The following ANHX variants were observed in gnomAD, a reference collection of about 807,000 sequenced individuals.
The protein encoded by ANHX is anomalous homeobox protein.
In ANHX, 20 loss-of-function variants were observed where a neutral mutation model predicts 38.9. The observed-to-expected ratio is 0.51, with a 90% CI of 0.36 to 0.75. ANHX has a LOEUF of 0.75. Ranked by LOEUF, ANHX falls within the 30% of genes least tolerant of loss-of-function variation. ANHX has a pLI of 0.00. For missense variants in ANHX, 475 were observed against 493.1 expected, an observed-to-expected ratio of 0.96 and a Z score of 0.35; for synonymous variants, 185 against 203.1, an observed-to-expected ratio of 0.91 and a Z score of 0.76.
chr12:133,233,640 G>C (rs982427502), intron 2 of ANHX, among the ~76,000 whole-genome samples: 4 of 152,204 alleles, frequency 2.6e-5, no homozygotes, highest in Non-Finnish European at 5.9e-5. Context: ...AATAGCTTCA[G>C]ATCAGCACAG....
At chr12:133,224,874 G>T (rs977761947) in intron 7 of ANHX, among the ~76,000 whole-genome samples, 6 of 150,996 alleles carry the variant, frequency 4.0e-5, no homozygotes, top group African/African-American at 1.5e-4. Context: ...GGCTGAGGCA[G>T]GAGAATGGCG....
At chr12:133,228,015 T>G in intron 3 of ANHX, 68 bp from the exon 4 acceptor site, 4 of 1,500,020 alleles carry the variant, frequency 2.7e-6, no homozygotes, top group Non-Finnish European at 1.8e-6. Flanking sequence ...TCTCCAGGCC[T>G]GGCCCTCTGC....
At chr12:133,223,016 T>C (rs912706294) in intron 7 of ANHX, among the ~76,000 whole-genome samples, 9 of 151,592 alleles carry the variant, frequency 5.9e-5, no homozygotes, top group African/African-American at 2.2e-4. Flanking sequence ...CATGGTGAAA[T>C]CCAATCTCAA....
At chr12:133,225,354 T>C (rs1339131911) in intron 7 of ANHX, among the ~76,000 whole-genome samples, 182 bp downstream of exon 7, 1 of 151,314 alleles carries the variant, frequency 6.6e-6, no homozygotes, top group African/African-American at 2.4e-5. Context: ...ATAAAACAGA[T>C]GAGAAATAAT....
Position 133,219,332 on chromosome 12 carries a change from G to A in ANHX, c.1316C>T (p.Pro439Leu), listed in dbSNP as rs1054886305. 1.8e-5 allele frequency: 27 copies of A among 1,535,018 alleles called. No homozygotes were observed. Among genetic ancestry groups the A allele is most frequent in the Non-Finnish European group, 2.2e-5 (25 of 1,146,470 alleles). ...PELAPAPSAFPGPVSAMELSQ... is the reference protein window; with the variant it reads ...PELAPAPSAFLGPVSAMELSQ... ...CAGCTCCATGGCAGACACAGGGCCG[G>A]GGAAGGCAGATGGGGCTGGGGCCAG... is the stretch of plus-strand genomic sequence containing the variant. Residue 439 changes from proline to leucine, a missense_variant, in exon 9 of 10, where the codon CCC (proline) becomes CTC (leucine). Pro to Leu is a moderately conservative substitution (Grantham distance 98). Coordinates refer to ENST00000545940, the MANE Select transcript of ANHX (RefSeq NM_001372060.1).
In ANHX at chr12:133,234,175, A is replaced by G. The variant is rs1288192046; in HGVS notation, c.182T>C (p.Val61Ala). 1 of 1,536,188 alleles carries G rather than the reference A, an allele frequency of 6.5e-7. No individual in the cohort carries two copies. Among genetic ancestry groups the G allele is most frequent in the Non-Finnish European group, 8.7e-7 (1 of 1,146,918 alleles). Residue 61 changes from valine to alanine, a missense_variant, in exon 2 of 10, where the codon GTG becomes GCG. By Grantham distance (64) the Val-to-Ala change is moderately conservative (BLOSUM62 0). Transcript: ENST00000545940. ...CAGGACACGGGCGCACGCCAGGGCC[A>G]CATCTGCGTTGTCCAGGAGATGCAG... ...LRLHLLDNAD[V>A]ALACARVLDQ...
chr12:133,224,657 C>G (rs1263411007), intron 7 of ANHX, among the ~76,000 whole-genome samples: 3 of 85,046 alleles, frequency 3.5e-5, no homozygotes, highest in Non-Finnish European at 4.4e-5. Context: ...ACCAAGACTC[C>G]ATCTCAAAAA....
rs1957065541 is a variant in ANHX, at chr12:133,218,497, C to T, written c.*388G>A. 6.1e-6 allele frequency: 1 copy of T among 163,888 alleles called. No homozygotes were observed. Among genetic ancestry groups the T allele is most frequent in the Admixed American group, 6.2e-5 (1 of 16,156 alleles). 10.2% of individuals were successfully genotyped at this position (163,888 alleles called of 1,614,324 possible). On this transcript the variant is annotated 3_prime_UTR_variant, in exon 10 of 10. Transcript: ENST00000545940. ...ATCTCAGAACACTCCTCATACCTCA[C>T]TCAGTTAACTTGGTGGAAAAGTCTG... is the stretch of plus-strand genomic sequence containing the variant.
chr12:133,229,412 C>T (rs1957236167), intron 3 of ANHX, among the ~76,000 whole-genome samples: 1 of 152,168 alleles, frequency 6.6e-6, no homozygotes, highest in Non-Finnish European at 1.5e-5. Flanking sequence ...TCCATCCCCC[C>T]TCTCCAGACT....
chr12:133,232,998 G>GCAC (rs1195708107), intron 2 of ANHX, among the ~76,000 whole-genome samples: 1 of 152,100 alleles, frequency 6.6e-6, no homozygotes, highest in Non-Finnish European at 1.5e-5. Flanking sequence ...AGTGAAGGAG[G>GCAC]CACCACCTCC....
At position 133,231,541 on chromosome 12, in the gene ANHX, AC is replaced by A; in HGVS notation, c.352del (p.Val118CysfsTer21). 1 of 1,536,128 alleles carries A rather than the reference AC, an allele frequency of 6.5e-7. No individual in the cohort carries two copies. Among genetic ancestry groups the A allele is most frequent in the South Asian group, 1.2e-5 (1 of 84,066 alleles). ...CCTCTTCCTGCAGCGGAACTTCTGC[AC>A]CGGGGTGAGCGCAGCCACGCCCAGC... The part of the protein sequence containing the change: ...RRLGVAALTP[V>X]QKFRCRKRNP... On this transcript the variant is annotated frameshift_variant, in exon 3 of 10. Transcript: ENST00000545940. LOFTEE classifies it high-confidence loss of function.
intron 8 of ANHX, among the ~76,000 whole-genome samples, chr12:133,219,641 A>C (rs1476170823): frequency 6.6e-6 from 1 of 152,128 alleles, no homozygotes; most frequent in Non-Finnish European, 1.5e-5. Flanking sequence ...AATGTGGAGG[A>C]AACAGAGACC....
chr12:133,223,533 C>T (rs1157243931), intron 7 of ANHX, among the ~76,000 whole-genome samples: 1 of 151,140 alleles, frequency 6.6e-6, no homozygotes, highest in Non-Finnish European at 1.5e-5. Context: ...GCAACCTCCA[C>T]CTCCCGGGTT....
intron 5 of ANHX, 112 bp downstream of exon 5, chr12:133,226,824 C>T: frequency 9.5e-7 from 1 of 1,051,748 alleles, no homozygotes; most frequent in African/African-American, 1.6e-5. Flanking sequence ...ACACCTGGAA[C>T]CTACTGATTG....
Position 133,227,085 on chromosome 12 carries a change from C to T in ANHX, c.569G>A (p.Arg190His), listed in dbSNP as rs547864362. ...QVYNWFANYR[R>H]RQRALPQHMK... ...GTGCTGGGGAAGGGCTCTTTGGCGG[C>T]GCCGGTAATTGGCAAACCAGTTGTA... Residue 190 changes from arginine to histidine, a missense_variant, in exon 5 of 10, where the codon CGC becomes CAC. Coordinates refer to ENST00000545940, the MANE Select transcript of ANHX (RefSeq NM_001372060.1). 1.9e-3 allele frequency: 2,887 copies of T among 1,536,062 alleles called. 4 individuals carry two copies. The highest frequency in any genetic ancestry group is 2.2e-3 in the Non-Finnish European group (2,571 of 1,146,862).
At chr12:133,220,327 T>A (rs954769046) in intron 8 of ANHX, among the ~76,000 whole-genome samples, 6 of 152,100 alleles carry the variant, frequency 3.9e-5, no homozygotes, top group Non-Finnish European at 5.9e-5. Context: ...GGGGTCGAGA[T>A]GGCCATGTGG....
At position 133,226,447 on chromosome 12, in the gene ANHX, G is replaced by C. The variant is rs1957190406; in HGVS notation, c.719-9C>G. 3 of 1,531,572 alleles carry C rather than the reference G, an allele frequency of 2.0e-6. No homozygotes were observed. The highest frequency in any genetic ancestry group is 2.6e-6 in the Non-Finnish European group (3 of 1,143,814). The allele number at this position is 1,531,572 out of a possible 1,614,324, so 94.9% of individuals were successfully genotyped here. ...CTTTTCCTCACGTTCCTCTGAAAGT[G>C]ATGAGATGGGAGGGGAGACTTAGTG... On this transcript the variant is annotated splice_polypyrimidine_tract_variant and intron_variant, in intron 5 of 9. Transcript: ENST00000545940.
intron 4 of ANHX, among the ~76,000 whole-genome samples, chr12:133,227,486 C>T (rs1957205717): frequency 2.0e-5 from 3 of 152,258 alleles, no homozygotes; most frequent in Admixed American, 2.0e-4. Flanking sequence ...CAGAACCACA[C>T]TGCCTGTGCC....
chr12:133,224,205 G>A (rs1957152284), intron 7 of ANHX, among the ~76,000 whole-genome samples: 1 of 152,012 alleles, frequency 6.6e-6, no homozygotes, highest in African/African-American at 2.4e-5. Context: ...AAAATGGAGG[G>A]CCCCCAACAG....
Sources: gnomAD v4.1 joint callset for allele counts (sites outside exome capture counted in the v4.1 genomes callset) on GRCh38, gnomAD v4.1.1 for gene constraint, MANE v1.5 for transcripts, NCBI Gene and HGNC (gene_info 2026-07-23, HGNC 2026-07-21) for gene names.